Variants in ERCC2 observed in about 807,000 individuals in gnomAD.
ERCC2 encodes general transcription and DNA repair factor IIH helicase subunit XPD.
In ERCC2, 90 loss-of-function variants were observed where a neutral mutation model predicts 99.4. The ratio of observed to expected loss-of-function variants is 0.91; its 90% confidence interval spans 0.76 to 1.08. The LOEUF is 1.08. Among genes scored for constraint, ERCC2 ranks in the 50% least tolerant of loss-of-function variants. The pLI, the probability that ERCC2 is intolerant of heterozygous loss-of-function variation, is 0.00. For missense variants in ERCC2, 993 were observed against 1,038.1 expected (o/e 0.96, Z 0.60); for synonymous variants, 497 against 432.4 (o/e 1.15, Z -1.85).
intron 15 of ERCC2, among the ~76,000 whole-genome samples, chr19:45,356,448 G>T (rs751764670): frequency 2.0e-5 from 3 of 152,154 alleles, no homozygotes; most frequent in Non-Finnish European, 4.4e-5. Flanking sequence ...GAGCTGCCCA[G>T]ACCCCACTGT....
At position 45,368,718 on chromosome 19, in the gene ERCC2, A is replaced by G. The variant is rs1972509341; in HGVS notation, c.272T>C (p.Leu91Pro). 6.2e-7 allele frequency: 1 copy of G among 1,613,732 alleles called. No individual in the cohort carries two copies. The highest frequency in any genetic ancestry group is 8.5e-7 in the Non-Finnish European group (1 of 1,179,778). ...EKVIEELRKLLNFYEKQEGEK... is the reference protein window; with the variant it reads ...EKVIEELRKLPNFYEKQEGEK... ...GCCCTCCTGCTTCTCATAGAAGTTG[A>G]GCAACTTTCGAAGCTCTTCAATCAC... Residue 91 changes from leucine (L) to proline (P), a missense_variant, in exon 5 of 23, where the codon CTC (leucine) becomes CCC (proline). Leu to Pro is a moderately conservative substitution (Grantham distance 98). This residue lies in a region of ERCC2 where 909 missense variants were observed against 930.8 expected (regional missense o/e 0.98). Transcript: ENST00000391945.
intron 16 of ERCC2, among the ~76,000 whole-genome samples, chr19:45,355,095 G>A (rs933375162): frequency 1.3e-5 from 2 of 152,234 alleles, no homozygotes; most frequent in African/African-American, 2.4e-5. Context: ...TGTGGCTCAC[G>A]CCTGTAATCC....
intron 5 of ERCC2, among the ~76,000 whole-genome samples, chr19:45,367,334 C>T (rs1972454867): frequency 6.8e-6 from 1 of 147,152 alleles, no homozygotes; most frequent in Non-Finnish European, 1.5e-5. Context: ...GACTCCGTCT[C>T]AAAAACAAAA....
intron 2 of ERCC2, among the ~76,000 whole-genome samples, chr19:45,369,518 A>C (rs141120199): frequency 6.6e-6 from 1 of 152,194 alleles, no homozygotes; most frequent in Non-Finnish European, 1.5e-5. Flanking sequence ...AATACAAAAA[A>C]TTAGCCAGAT....
Position 45,363,889 on chromosome 19 carries a change from G to C in ERCC2, c.972C>G (p.Arg324=), listed in dbSNP as rs747058891. 6.5e-7 allele frequency: 1 copy of C among 1,549,172 alleles called. No individual in the cohort carries two copies. The highest frequency in any genetic ancestry group is 1.9e-5 in the Admixed American group (1 of 52,722). ...GGAAGCCCAGGAAATGCTCGGCCGT[G>C]CGGATGGAGCCAGGCACTGCCTCTG... ...VLQEAVPGSI[R]TAEHFLGFLR... is the part of the protein sequence containing the mutation. Residue 324 remains arginine, a synonymous_variant, in exon 11 of 23, where the codon CGC becomes CGG. Coordinates refer to ENST00000391945, the MANE Select transcript of ERCC2 (RefSeq NM_000400.4).
rs1012336632 is a variant in ERCC2 at position 45,349,972 on chromosome 19, C to A, written c.*1657G>T. The stretch of plus-strand genomic sequence containing the variant: ...TTTGCGTGTGGGAAGACTGAGGCAC[C>A]GAGGCCATGCCACCAGCCCAAAGTA... On this transcript the variant is annotated 3_prime_UTR_variant, in exon 23 of 23. Coordinates refer to ENST00000391945, the MANE Select transcript of ERCC2 (RefSeq NM_000400.4). The A allele has an allele frequency of 2.4e-6, 1 of 414,644 alleles. No homozygotes were observed. Among genetic ancestry groups the A allele is most frequent in the Non-Finnish European group, 4.4e-6 (1 of 229,648 alleles). 25.7% of individuals were successfully genotyped at this position (414,644 alleles called of 1,614,324 possible).
At chr19:45,368,888 G>A in intron 4 of ERCC2, 42 bp downstream of exon 4, 1 of 1,608,126 alleles carries the variant, frequency 6.2e-7, no homozygotes, top group Non-Finnish European at 8.5e-7. Flanking sequence ...ATAGGGCCTA[G>A]GGAACAGTGG....
chr19:45,355,353 T>C (rs1468994574), intron 16 of ERCC2, among the ~76,000 whole-genome samples: 4 of 151,892 alleles, frequency 2.6e-5, no homozygotes, highest in African/African-American at 9.7e-5. Context: ...CAAGACTCTG[T>C]CTCAAAAAAA....
chr19:45,351,478 G>A lies in ERCC2; in HGVS notation c.*151C>T. ...CTTGCCTCTGGGTACCTGGTGGATA[G>A]CTGCCTTCTCCTGCGATTAAAGGCT... On this transcript the variant is annotated 3_prime_UTR_variant, in exon 23 of 23. Coordinates refer to ENST00000391945, the MANE Select transcript of ERCC2 (RefSeq NM_000400.4). The A allele has an allele frequency of 6.3e-7, 1 of 1,586,410 alleles. No individual in the cohort carries two copies. Among genetic ancestry groups the A allele is most frequent in the Non-Finnish European group, 8.5e-7 (1 of 1,170,536 alleles).
At chr19:45,355,814 CTTTTTTTT>C (rs35665496) in intron 15 of ERCC2, 86 bp from the exon 16 acceptor site, 3 of 678,786 alleles carry the variant, frequency 4.4e-6, no homozygotes, top group Admixed American at 5.1e-5. Context: ...CTGTTCTAAG[CTTTTTTTT>C]TTTTTTTTTT....
Position 45,352,635 on chromosome 19 carries a change from G to T in ERCC2, c.1917C>A (p.Tyr639Ter), listed in dbSNP as rs2123224577. Residue 639 changes from tyrosine to a stop codon, truncating the protein, a stop_gained, in exon 21 of 23, where the codon TAC becomes TAA. Coordinates refer to ENST00000391945, the MANE Select transcript of ERCC2 (RefSeq NM_000400.4). LOFTEE classifies it high-confidence loss of function. Reference protein sequence around the residue: ...QSRILKARLEYLRDQFQIREN... With the variant: ...QSRILKARLE Reference sequence around the variant, plus strand: ...CACGAATCTGGAACTGGTCCCGCAGGTATTCCAGCCGCGCCTGCAGATACG... The same window carrying T: ...CACGAATCTGGAACTGGTCCCGCAGTTATTCCAGCCGCGCCTGCAGATACG... 1 of 1,613,958 alleles carries T rather than the reference G, an allele frequency of 6.2e-7. No homozygotes were observed. Among genetic ancestry groups the T allele is most frequent in the Non-Finnish European group, 8.5e-7 (1 of 1,180,038 alleles).
chr19:45,350,990 G>A lies in ERCC2; in HGVS notation c.*639C>T, dbSNP rs760879062. Reference sequence around the variant, plus strand: ...CCATGTCACTCAACACACTGAACGTGGATGCTCCAAGGGCTCCTGGGACTC... The same window carrying A: ...CCATGTCACTCAACACACTGAACGTAGATGCTCCAAGGGCTCCTGGGACTC... On this transcript the variant is annotated 3_prime_UTR_variant, in exon 23 of 23. Coordinates refer to ENST00000391945, the MANE Select transcript of ERCC2 (RefSeq NM_000400.4). 29 of 1,614,016 alleles carry A rather than the reference G, an allele frequency of 1.8e-5. No homozygotes were observed. The highest frequency in any genetic ancestry group is 4.5e-5 in the East Asian group (2 of 44,884).
In ERCC2 at chr19:45,368,963, G is replaced by T. The variant is rs541205205; in HGVS notation, c.213C>A (p.Ile71=). 2 of 1,614,222 alleles carry T rather than the reference G, an allele frequency of 1.2e-6. No homozygotes were observed. The highest frequency in any genetic ancestry group is 1.7e-5 in the Admixed American group (1 of 60,022). Residue 71 remains isoleucine, a synonymous_variant, in exon 4 of 23, where the codon ATC becomes ATA. Transcript: ENST00000391945. ...RAYPLEVTKL[I]YCSRTVPEIE... ...TCTCTGGCACAGTTCTTGAGCAGTA[G>T]ATGAGTTTGGTCACCTCCAGCGGAT...
At position 45,363,909 on chromosome 19, in the gene ERCC2, C is replaced by T. The variant is rs749260944; in HGVS notation, c.952G>A (p.Ala318Thr). ...PVLPDEVLQE[A>T]VPGSIRTAEH... is the part of the protein sequence containing the mutation. Reference sequence around the variant, plus strand: ...GCCGTGCGGATGGAGCCAGGCACTGCCTCTGCGAGGAGACGCTATCAGCGG... The same window carrying T: ...GCCGTGCGGATGGAGCCAGGCACTGTCTCTGCGAGGAGACGCTATCAGCGG... The change falls in exon 11 of 23, where the codon GCA becomes ACA. Residue 318 changes from alanine (A) to threonine (T), a missense_variant and splice_region_variant. Transcript: ENST00000391945. 66 of 1,544,218 alleles carry T rather than the reference C, an allele frequency of 4.3e-5. No individual in the cohort carries two copies. The highest frequency in any genetic ancestry group is 5.7e-5 in the Non-Finnish European group (66 of 1,151,498).
At chr19:45,352,453 G>C in intron 21 of ERCC2, 53 bp downstream of exon 21, 1 of 1,613,994 alleles carries the variant, frequency 6.2e-7, no homozygotes, top group Non-Finnish European at 8.5e-7. Flanking sequence ...ACGGGAAACA[G>C]CCTGGTTCTT....
intron 17 of ERCC2, among the ~76,000 whole-genome samples, chr19:45,354,268 T>A (rs1250717155): frequency 6.6e-6 from 1 of 152,132 alleles, no homozygotes; most frequent in Non-Finnish European, 1.5e-5. Flanking sequence ...CCCCACGACC[T>A]CCTCTAGCTG....
At chr19:45,366,791 T>C (rs535573763) in intron 5 of ERCC2, among the ~76,000 whole-genome samples, 1 of 152,312 alleles carries the variant, frequency 6.6e-6, no homozygotes, top group East Asian at 1.9e-4. Context: ...TTACAAATAA[T>C]GTGATATAAT....
At chr19:45,369,249 A>G in intron 2 of ERCC2, 102 bp from the exon 3 acceptor site, 4 of 885,176 alleles carry the variant, frequency 4.5e-6, no homozygotes, top group South Asian at 4.0e-5. Context: ...AACTCAGAAC[A>G]GCAGGATAAC....
intron 11 of ERCC2, among the ~76,000 whole-genome samples, chr19:45,363,247 T>TGGAAGATTAGAGGCATCGGTG (rs1346920839): frequency 5.3e-5 from 8 of 152,090 alleles, no homozygotes; most frequent in Non-Finnish European, 1.0e-4. Context: ...CCCTCAGGTT[T>TGGAAGATTAGAGGCATCGGTG]GGAAGATTAG....
Sources: gnomAD v4.1 joint callset for allele counts (sites outside exome capture counted in the v4.1 genomes callset) on GRCh38, gnomAD v4.1.1 for gene constraint, gnomAD v4.1.1 regional missense constraint, MANE v1.5 for transcripts, NCBI Gene and HGNC (gene_info 2026-07-23, HGNC 2026-07-21) for gene names.